Variants in UHRF1 observed in about 807,000 individuals in gnomAD.
UHRF1 encodes the protein E3 ubiquitin-protein ligase UHRF1.
UHRF1 carries 9 observed loss-of-function variants against 96.5 expected under a neutral mutation model. That is an observed-to-expected ratio of 0.09 (90% confidence interval 0.06 to 0.16). UHRF1 has a LOEUF of 0.16. UHRF1 is among the 10% of genes least tolerant of loss of function. UHRF1 has a pLI of 1.00. For missense variants in UHRF1, 626 were observed against 1,131.1 expected (o/e 0.55, Z 6.40); for synonymous variants, 455 against 469.9 (o/e 0.97, Z 0.41).
At chr19:4,939,535 C>G (rs191876205) in intron 5 of UHRF1, among the ~76,000 whole-genome samples, 1 of 152,158 alleles carries the variant, frequency 6.6e-6, no homozygotes, top group Non-Finnish European at 1.5e-5. Flanking sequence ...TTGAGGAATC[C>G]TGGTCATTTG....
intron 2 of UHRF1, among the ~76,000 whole-genome samples, chr19:4,928,980 C>A (rs1330970749): frequency 1.3e-5 from 2 of 152,230 alleles, no homozygotes; most frequent in Non-Finnish European, 2.9e-5. Flanking sequence ...CTGGGTGCTT[C>A]CTGCATGCAG....
At chr19:4,909,925 T>C (rs2032188225) in intron 1 of UHRF1, among the ~76,000 whole-genome samples, 2 of 149,772 alleles carry the variant, frequency 1.3e-5, no homozygotes. Context: ...GGGGAGGATG[T>C]CAGGCTCCGC....
rs187093115 is a variant in UHRF1, at chr19:4,943,132, C to T, written c.1074-1000C>T. 2.4e-3 allele frequency among the ~76,000 whole-genome samples: 362 copies of T among 150,878 alleles called. 1 individual carries two copies. Among genetic ancestry groups the T allele is most frequent in the African/African-American group, 8.2e-3 (338 of 41,048 alleles). ...CCACGCGCCTGTAATCCCAGCTACTCGGGAGGCTGAGGTAGGAGAATCGCT... is the reference window on the plus strand; with the variant it reads ...CCACGCGCCTGTAATCCCAGCTACTTGGGAGGCTGAGGTAGGAGAATCGCT... On this transcript the variant is annotated intron_variant, in intron 7 of 16. Coordinates refer to ENST00000650932, the MANE Select transcript of UHRF1 (RefSeq NM_001048201.3).
chr19:4,907,704 C>CTT (rs59867968), upstream of UHRF1, among the ~76,000 whole-genome samples: 76 of 47,688 alleles, frequency 1.6e-3, no homozygotes, highest in Non-Finnish European at 2.2e-3. Context: ...TTGGCCTGAT[C>CTT]TTTTTTTTTT....
At chr19:4,931,400 C>G (rs1327190056) in intron 4 of UHRF1, among the ~76,000 whole-genome samples, 1 of 152,222 alleles carries the variant, frequency 6.6e-6, no homozygotes, top group Admixed American at 6.5e-5. Context: ...CCTCAGCCTC[C>G]TGAGTAGCTG....
At chr19:4,907,822 C>T (rs780346505), upstream of UHRF1, among the ~76,000 whole-genome samples, 1 of 145,812 alleles carries the variant, frequency 6.9e-6, no homozygotes, top group Non-Finnish European at 1.5e-5. Flanking sequence ...AAGCGATTCT[C>T]CTGCCTCAGC....
At chr19:4,936,536 G>C (rs972491270) in intron 5 of UHRF1, among the ~76,000 whole-genome samples, 3 of 152,160 alleles carry the variant, frequency 2.0e-5, no homozygotes, top group Admixed American at 6.5e-5. Context: ...TGCCAGGGCT[G>C]ACTTCTAAAT....
intron 2 of UHRF1, among the ~76,000 whole-genome samples, chr19:4,925,102 C>T (rs1034279465): frequency 1.3e-5 from 2 of 152,024 alleles, no homozygotes; most frequent in Admixed American, 6.6e-5. Context: ...GTTGAGATGA[C>T]GGGCGTGAGC....
chr19:4,930,299 C>T lies in UHRF1; in HGVS notation c.409-417C>T, dbSNP rs1418209955. ...CTGTTTTATTTTTTAGTAGACACAG[C>T]GTCTTACCATGTTGCCCAGGCTAGT... On this transcript the variant is annotated intron_variant, in intron 3 of 16. Coordinates refer to ENST00000650932, the MANE Select transcript of UHRF1 (RefSeq NM_001048201.3). This position sits in a 1 kb window ranked among gnomAD's most constrained non-coding sequence, Gnocchi z 4.4. Among the ~76,000 whole-genome samples the T allele has an allele frequency of 2.6e-5, 4 of 152,092 alleles. No homozygotes were observed. The highest frequency in any genetic ancestry group is 4.8e-5 in the African/African-American group (2 of 41,418).
intron 3 of UHRF1, among the ~76,000 whole-genome samples, 177 bp downstream of exon 3, chr19:4,929,653 T>C (rs1465206165): frequency 6.6e-6 from 1 of 150,808 alleles, no homozygotes; most frequent in African/African-American, 2.5e-5. Flanking sequence ...TACCCTGGGA[T>C]TCCTTTGTGG....
chr19:4,907,779 C>T (rs1361014206), upstream of UHRF1, among the ~76,000 whole-genome samples: 2 of 123,188 alleles, frequency 1.6e-5, no homozygotes. Context: ...ATGGCGCGAT[C>T]TTGGCTCACC....
intron 2 of UHRF1, among the ~76,000 whole-genome samples, chr19:4,915,541 C>T (rs946704294): frequency 6.6e-6 from 1 of 152,064 alleles, no homozygotes; most frequent in Admixed American, 6.6e-5. Flanking sequence ...GGTGAAACCC[C>T]GTCTCTACTA....
Position 4,950,503 on chromosome 19 carries a change from C to T in UHRF1, c.1518-108C>T, listed in dbSNP as rs992559029. Reference sequence around the variant, plus strand: ...AGGCGATCTGCCTACTTCAGCCTCCCAAAGTGCTGGGATTACAGGCCTGAG... The same window carrying T: ...AGGCGATCTGCCTACTTCAGCCTCCTAAAGTGCTGGGATTACAGGCCTGAG... On this transcript the variant is annotated intron_variant, in intron 11 of 16. Transcript: ENST00000650932. 7.9e-6 allele frequency: 10 copies of T among 1,262,236 alleles called. No homozygotes were observed. The African/African-American group carries it at 1.2e-4, about 15-fold the overall frequency. The allele number at this position is 1,262,236 out of a possible 1,614,324, so 78.2% of individuals were successfully genotyped here. A position where few individuals can be genotyped will look rare whatever the true frequency, so the allele number is the denominator to read the frequency against.
At chr19:4,912,189 G>A (rs1161387239) in intron 2 of UHRF1, among the ~76,000 whole-genome samples, 1 of 152,192 alleles carries the variant, frequency 6.6e-6, no homozygotes, top group Non-Finnish European at 1.5e-5. Flanking sequence ...TGGAGAACTT[G>A]GGGAGTTGAC....
intron 4 of UHRF1, among the ~76,000 whole-genome samples, chr19:4,932,417 A>G (rs1428306049): frequency 6.6e-6 from 1 of 152,214 alleles, no homozygotes; most frequent in Non-Finnish European, 1.5e-5. Flanking sequence ...GGCCCACCCT[A>G]CTGCAGTGTG....
At chr19:4,918,603 G>A (rs940213318) in intron 2 of UHRF1, among the ~76,000 whole-genome samples, 2 of 150,664 alleles carry the variant, frequency 1.3e-5, no homozygotes, top group African/African-American at 2.4e-5. Context: ...TAGTAGAGAC[G>A]AGGTTTCTCC....
At chr19:4,940,880 C>T (rs958591926) in intron 5 of UHRF1, among the ~76,000 whole-genome samples, 1 of 151,688 alleles carries the variant, frequency 6.6e-6, no homozygotes, top group Non-Finnish European at 1.5e-5. Flanking sequence ...ACCATGTTGG[C>T]CAGGCTGGTC....
At chr19:4,910,698 C>T in intron 1 of UHRF1, 178 bp from the exon 2 acceptor site, 1 of 548,126 alleles carries the variant, frequency 1.8e-6, no homozygotes, top group Non-Finnish European at 3.0e-6. Flanking sequence ...GCCTTAAGTG[C>T]TTAATTTGTT....
rs544686571 is a variant in UHRF1 at position 4,935,851 on chromosome 19, G to A, written c.785+2895G>A. Reference sequence around the variant, plus strand: ...GGTGGGGGTTGTGGGGCCACCTTAGGCTCCATCCGCACCAGTTATACACCA... The same window carrying A: ...GGTGGGGGTTGTGGGGCCACCTTAGACTCCATCCGCACCAGTTATACACCA... On this transcript the variant is annotated intron_variant, in intron 5 of 16. Coordinates refer to ENST00000650932, the MANE Select transcript of UHRF1 (RefSeq NM_001048201.3). Among the ~76,000 whole-genome samples, 3 of 152,154 alleles carry A rather than the reference G, an allele frequency of 2.0e-5. No homozygotes were observed. In the East Asian group the frequency reaches 5.8e-4, roughly 29 times the overall value.
Sources: allele counts gnomAD v4.1 joint callset (sites outside exome capture counted in the v4.1 genomes callset), GRCh38; gene constraint gnomAD v4.1.1; non-coding constraint Gnocchi (gnomAD v3.1); transcripts MANE v1.5; gene names NCBI Gene and HGNC (gene_info 2026-07-23, HGNC 2026-07-21).